ADAMTSL1: variants seen among roughly 807,000 people sequenced by gnomAD.
The protein encoded by ADAMTSL1 is ADAMTS like 1.
In ADAMTSL1, 126 loss-of-function variants were observed where a neutral mutation model predicts 201.8. That is an observed-to-expected ratio of 0.62 (90% CI 0.54 to 0.72). The LOEUF is 0.72. Among genes scored for constraint, ADAMTSL1 ranks in the 30% least tolerant of loss-of-function variants. ADAMTSL1 has a pLI of 0.00. For synonymous variants in ADAMTSL1, 1,121 were observed against 903.4 expected (o/e 1.24, Z -4.32); for missense variants, 2,679 against 2,277.8 (o/e 1.18, Z -3.59).
chr9:18,781,898 G>A (rs901357532), intron 19 of ADAMTSL1, among the ~76,000 whole-genome samples: 1 of 152,202 alleles, frequency 6.6e-6, no homozygotes, highest in African/African-American at 2.4e-5. Flanking sequence ...TGATTTGAAA[G>A]AATTTAGTTT....
intron 2 of ADAMTSL1, among the ~76,000 whole-genome samples, chr9:18,348,176 G>A (rs143615764): frequency 8.8e-4 from 134 of 152,264 alleles, no homozygotes; most frequent in African/African-American, 3.2e-3. Context: ...ATAGGAAATT[G>A]ATTTAGTATT....
chr9:18,780,347 T>C (rs2060365), intron 19 of ADAMTSL1, among the ~76,000 whole-genome samples: 102,708 of 152,040 alleles, frequency 0.68, 34,944 homozygotes, highest in African/African-American at 0.71. Flanking sequence ...AGGTTAAAAC[T>C]CATATGCTGA....
Position 18,703,866 on chromosome 9 carries a change from G to A in ADAMTSL1, c.1575-2881G>A, listed in dbSNP as rs369583717. Reference sequence around the variant, plus strand: ...TCTTGGTTCTGGAATGACATCAAATGCAAAGTCATTTATATTATAGACAAG... The same window carrying A: ...TCTTGGTTCTGGAATGACATCAAATACAAAGTCATTTATATTATAGACAAG... On this transcript the variant is annotated intron_variant, in intron 13 of 28. Transcript: ENST00000380548. Among the ~76,000 whole-genome samples, 92 of 151,562 alleles carry A rather than the reference G, an allele frequency of 6.1e-4. No homozygotes were observed. The East Asian group carries it at 0.016, about 26-fold the overall frequency.
intron 1 of ADAMTSL1, among the ~76,000 whole-genome samples, chr9:18,114,864 C>T (rs1825182695): frequency 6.6e-6 from 1 of 152,040 alleles, no homozygotes; most frequent in Non-Finnish European, 1.5e-5. Flanking sequence ...GTAGGCAGGC[C>T]TAACAAGGTG....
Position 18,172,403 on chromosome 9 carries a change from G to A in ADAMTSL1, c.207+8422G>A, listed in dbSNP as rs558498918. On this transcript the variant is annotated intron_variant, in intron 2 of 29. Coordinates refer to the ADAMTSL1 transcript ENST00000680146. ...AGGTTCTCAGCCTTACTCATCATAAGGGATTTACAAATTAAAATAACAGAA... is the reference window on the plus strand; with the variant it reads ...AGGTTCTCAGCCTTACTCATCATAAAGGATTTACAAATTAAAATAACAGAA... 2.0e-5 allele frequency among the ~76,000 whole-genome samples: 3 copies of A among 152,164 alleles called. No homozygotes were observed. In the East Asian group the frequency reaches 5.8e-4, roughly 29 times the overall value.
intron 3 of ADAMTSL1, among the ~76,000 whole-genome samples, chr9:18,552,933 A>G (rs570195440): frequency 6.6e-6 from 1 of 151,498 alleles, no homozygotes; most frequent in Non-Finnish European, 1.5e-5. Context: ...AATATTTTTA[A>G]TTTTTAATCT....
At chr9:18,223,690 ATC>A (rs1830342573) in intron 2 of ADAMTSL1, among the ~76,000 whole-genome samples, 1 of 152,120 alleles carries the variant, frequency 6.6e-6, no homozygotes, top group Non-Finnish European at 1.5e-5. Context: ...TATTAAATAT[ATC>A]TGTTTTATGT....
At chr9:18,415,416 C>T (rs961125138) in intron 2 of ADAMTSL1, among the ~76,000 whole-genome samples, 2 of 151,946 alleles carry the variant, frequency 1.3e-5, no homozygotes, top group African/African-American at 2.4e-5. Context: ...AGAAAACATC[C>T]CATGGACCAT....
At chr9:18,197,555 C>T (rs2132258181) in intron 2 of ADAMTSL1, among the ~76,000 whole-genome samples, 1 of 141,672 alleles carries the variant, frequency 7.1e-6, no homozygotes, top group South Asian at 2.5e-4. Context: ...GCTGAAGTTG[C>T]TTATCAGCTT....
chr9:18,349,235 C>G (rs1835855418), intron 2 of ADAMTSL1, among the ~76,000 whole-genome samples: 1 of 152,170 alleles, frequency 6.6e-6, no homozygotes, highest in Non-Finnish European at 1.5e-5. Context: ...TTATCGCTCT[C>G]ATATACATGG....
intron 14 of ADAMTSL1, among the ~76,000 whole-genome samples, chr9:18,721,095 T>C (rs1003034570): frequency 6.6e-6 from 1 of 152,222 alleles, no homozygotes; most frequent in Non-Finnish European, 1.5e-5. Flanking sequence ...GAATTCTGGA[T>C]ATAAAACATG....
rs111868972 is a variant in ADAMTSL1, at chr9:18,474,187, A to C, written c.-46A>C. On this transcript the variant is annotated 5_prime_UTR_variant, in exon 1 of 29. Coordinates refer to ENST00000380548, the MANE Select transcript of ADAMTSL1 (RefSeq NM_001040272.6). ...TGTGACAGCAGGCAGAGGAGCACTTAGCAGCTTATTCAGTGTCCGATTCTG... is the reference window on the plus strand; with the variant it reads ...TGTGACAGCAGGCAGAGGAGCACTTCGCAGCTTATTCAGTGTCCGATTCTG... 7.5e-6 allele frequency: 12 copies of C among 1,595,398 alleles called. No individual in the cohort carries two copies. The highest frequency in any genetic ancestry group is 6.7e-5 in the African/African-American group (5 of 74,650).
intron 2 of ADAMTSL1, among the ~76,000 whole-genome samples, chr9:18,303,386 T>C (rs918962071): frequency 6.6e-6 from 1 of 152,184 alleles, no homozygotes; most frequent in Non-Finnish European, 1.5e-5. Flanking sequence ...GATAGGTCTT[T>C]CTTCAACAGG....
intron 1 of ADAMTSL1, among the ~76,000 whole-genome samples, chr9:18,161,943 C>A (rs934291150): frequency 6.6e-6 from 1 of 152,014 alleles, no homozygotes; most frequent in African/African-American, 2.4e-5. Flanking sequence ...AACAAGATAA[C>A]CTCATTGTGC....
At chr9:18,805,644 G>C (rs137886160) in intron 20 of ADAMTSL1, among the ~76,000 whole-genome samples, 2 of 152,144 alleles carry the variant, frequency 1.3e-5, no homozygotes, top group African/African-American at 4.8e-5. Context: ...AGATGAGCTC[G>C]GGACACCTAA....
At chr9:17,923,806 C>T (rs1588422688) in intron 1 of ADAMTSL1, among the ~76,000 whole-genome samples, 1 of 137,710 alleles carries the variant, frequency 7.3e-6, no homozygotes, top group Non-Finnish European at 1.6e-5. Context: ...CCCATCAACA[C>T]CTAATTTATT....
At chr9:18,835,611 G>C (rs2131289552) in intron 23 of ADAMTSL1, among the ~76,000 whole-genome samples, 1 of 152,240 alleles carries the variant, frequency 6.6e-6, no homozygotes, top group South Asian at 2.1e-4. Context: ...CCATCACCCA[G>C]ATACTGAATA....
intron 2 of ADAMTSL1, among the ~76,000 whole-genome samples, chr9:18,324,478 C>T (rs551370279): frequency 6.6e-6 from 1 of 150,566 alleles, no homozygotes; most frequent in Non-Finnish European, 1.5e-5. Context: ...TAACACACTA[C>T]ATCAGGCTAG....
At chr9:18,557,394 G>A (rs1416584337) in intron 3 of ADAMTSL1, among the ~76,000 whole-genome samples, 1 of 151,958 alleles carries the variant, frequency 6.6e-6, no homozygotes, top group Non-Finnish European at 1.5e-5. Flanking sequence ...GTTCTTTAAT[G>A]AACTGATTCA....
Sources: gnomAD v4.1 joint callset for allele counts (sites outside exome capture counted in the v4.1 genomes callset) on GRCh38, gnomAD v4.1.1 for gene constraint, MANE v1.5 for transcripts, NCBI Gene and HGNC (gene_info 2026-07-23, HGNC 2026-07-21) for gene names.